COL4A2: variants seen among roughly 807,000 people sequenced by gnomAD.
COL4A2 encodes the protein collagen type IV alpha 2 chain.
A neutral mutation model predicts 200.2 loss-of-function variants in COL4A2; 99 were observed. That is an observed-to-expected ratio of 0.49 (90% CI 0.42 to 0.58). The LOEUF (loss-of-function observed/expected upper bound fraction) is 0.58, where lower values mean the gene tolerates loss of function less well. Ranked by LOEUF, COL4A2 falls within the 20% of genes least tolerant of loss-of-function variation. COL4A2 has a pLI of 0.00. For missense variants in COL4A2, 1,950 were observed against 2,314.1 expected (o/e 0.84, Z 3.23); for synonymous variants, 897 against 900.6 (o/e 1.00, Z 0.07).
At chr13:110,333,431 G>T (rs1876020140) in intron 3 of COL4A2, among the ~76,000 whole-genome samples, 1 of 152,202 alleles carries the variant, frequency 6.6e-6, no homozygotes, top group Admixed American at 6.5e-5. Context: ...GACATTCAGA[G>T]GCAGCTTTGC....
intron 3 of COL4A2, among the ~76,000 whole-genome samples, chr13:110,343,455 C>A (rs1349598147): frequency 6.6e-6 from 1 of 152,186 alleles, no homozygotes; most frequent in Non-Finnish European, 1.5e-5. Flanking sequence ...TAGGTACACG[C>A]CGTCTGAAAG....
At chr13:110,417,880 T>A (rs1380112469) in intron 4 of COL4A2, among the ~76,000 whole-genome samples, 1 of 152,148 alleles carries the variant, frequency 6.6e-6, no homozygotes, top group East Asian at 1.9e-4. Context: ...CAGGTCTCGG[T>A]GTGGATATAG....
chr13:110,469,768 T>G (rs1428196966), intron 28 of COL4A2, among the ~76,000 whole-genome samples: 1 of 152,190 alleles, frequency 6.6e-6, no homozygotes, highest in East Asian at 1.9e-4. Context: ...TAACCAGCTC[T>G]GGTGAGGAGT....
intron 45 of COL4A2, among the ~76,000 whole-genome samples, chr13:110,504,938 A>G (rs1883789774): frequency 6.6e-6 from 1 of 152,114 alleles, no homozygotes; most frequent in African/African-American, 2.4e-5. Flanking sequence ...TTGCACATAT[A>G]CAGAATGAAA....
chr13:110,381,084 A>G (rs1878468813), intron 4 of COL4A2, among the ~76,000 whole-genome samples: 2 of 126,866 alleles, frequency 1.6e-5, no homozygotes, highest in Admixed American at 8.0e-5. Context: ...TCTCACACCC[A>G]TGGGTCTCTA....
intron 3 of COL4A2, among the ~76,000 whole-genome samples, chr13:110,331,587 C>T (rs970714167): frequency 1.5e-4 from 23 of 152,142 alleles, no homozygotes; most frequent in Admixed American, 3.3e-4. Context: ...GTTCACAGAC[C>T]GCCGGCAGCT....
Position 110,357,463 on chromosome 13 carries a change from T to G in COL4A2, c.100-9T>G. 6.3e-7 allele frequency: 1 copy of G among 1,582,184 alleles called. No individual in the cohort carries two copies. Among genetic ancestry groups the G allele is most frequent in the Non-Finnish European group, 8.6e-7 (1 of 1,161,386 alleles). On this transcript the variant is annotated splice_polypyrimidine_tract_variant and intron_variant, in intron 3 of 47. Coordinates refer to ENST00000360467, the MANE Select transcript of COL4A2 (RefSeq NM_001846.4). ...TAACTTTTCTTTGCCTTGTGTTTTA[T>G]TGTTGCAGGGTGTGAAGAAGTTTGA...
intron 3 of COL4A2, among the ~76,000 whole-genome samples, chr13:110,335,481 A>G (rs1267462056): frequency 2.6e-5 from 4 of 152,136 alleles, no homozygotes; most frequent in Non-Finnish European, 5.9e-5. Flanking sequence ...ACCATGTAAG[A>G]CGTGCCTTTT....
At chr13:110,465,902 A>C (rs924220489) in intron 25 of COL4A2, 101 bp from the exon 26 acceptor site, 1 of 1,393,728 alleles carries the variant, frequency 7.2e-7, no homozygotes, top group Non-Finnish European at 9.8e-7. Context: ...CCCACCAGCA[A>C]CATATACGAC....
At position 110,466,026 on chromosome 13, in the gene COL4A2, G is replaced by A; in HGVS notation, c.2002G>A (p.Ala668Thr). The change falls in exon 26 of 48, where the codon GCC becomes ACC. Residue 668 changes from alanine (A) to threonine (T), a missense_variant. Around this residue, in one of 2 missense-constraint regions of COL4A2, gnomAD observed 1,385 missense variants for 1,720.5 expected, o/e 0.80. Transcript: ENST00000360467. ...AGATTGTGACACAGATGTGAAAAGG[G>A]CCGTTGGAGGTGACAGACAGGAGGC... is the stretch of plus-strand genomic sequence containing the variant. ...QIDCDTDVKR[A>T]VGGDRQEAIQ... is the part of the protein sequence containing the mutation. 1 of 1,613,876 alleles carries A rather than the reference G, an allele frequency of 6.2e-7. No individual in the cohort carries two copies. The highest frequency in any genetic ancestry group is 8.5e-7 in the Non-Finnish European group (1 of 1,179,760).
intron 25 of COL4A2, 72 bp downstream of exon 25, chr13:110,465,678 G>A (rs1315255186): frequency 1.5e-6 from 2 of 1,337,506 alleles, no homozygotes; most frequent in African/African-American, 1.5e-5. Context: ...CAGTGTAGAC[G>A]TTTCCCAGTA....
At chr13:110,323,053 C>T (rs1192660352) in intron 3 of COL4A2, among the ~76,000 whole-genome samples, 1 of 152,216 alleles carries the variant, frequency 6.6e-6, no homozygotes, top group African/African-American at 2.4e-5. Context: ...TACAACCAAC[C>T]CAGCCTGGGC....
chr13:110,307,688 G>A lies in COL4A2; in HGVS notation c.-45+160G>A, dbSNP rs1001765264. Reference sequence around the variant, plus strand: ...CCTCGGCCAAGGAGCACCCACAGGGGCCTAACGGGAGGCTCTCCTTCTTTC... The same window carrying A: ...CCTCGGCCAAGGAGCACCCACAGGGACCTAACGGGAGGCTCTCCTTCTTTC... On this transcript the variant is annotated intron_variant, in intron 1 of 47. Transcript: ENST00000360467. The surrounding 1 kb of genome is among the most constrained non-coding windows in gnomAD (Gnocchi z 5.0). Among the ~76,000 whole-genome samples the A allele has an allele frequency of 6.6e-6, 1 of 152,086 alleles. No individual in the cohort carries two copies. The highest frequency in any genetic ancestry group is 1.5e-5 in the Non-Finnish European group (1 of 68,002).
At chr13:110,322,214 G>A (rs1885294110) in intron 3 of COL4A2, among the ~76,000 whole-genome samples, 1 of 152,204 alleles carries the variant, frequency 6.6e-6, no homozygotes, top group Non-Finnish European at 1.5e-5. Flanking sequence ...GAAGCCTGGG[G>A]CTGGCCTGCC....
intron 24 of COL4A2, among the ~76,000 whole-genome samples, chr13:110,462,846 A>G (rs1271450980): frequency 6.6e-6 from 1 of 152,194 alleles, no homozygotes; most frequent in Non-Finnish European, 1.5e-5. Flanking sequence ...GGAGGCAGCC[A>G]TGGAGGGAGA....
At chr13:110,355,336 A>T (rs1276991077) in intron 3 of COL4A2, among the ~76,000 whole-genome samples, 1 of 122,982 alleles carries the variant, frequency 8.1e-6, no homozygotes, top group East Asian at 2.4e-4. Flanking sequence ...AGAGGGCTGC[A>T]CTAGCTCACC....
chr13:110,322,876 G>T (rs1461986636), intron 3 of COL4A2, among the ~76,000 whole-genome samples: 1 of 152,264 alleles, frequency 6.6e-6, no homozygotes, highest in Non-Finnish European at 1.5e-5. Context: ...AGATAGTTAA[G>T]GTTTCTCTGC....
chr13:110,370,320 A>G, intron 4 of COL4A2, among the ~76,000 whole-genome samples: 1 of 151,876 alleles, frequency 6.6e-6, no homozygotes, highest in East Asian at 1.9e-4. Flanking sequence ...CTGGAGTGCA[A>G]TGTAGCAATC....
At chr13:110,447,829 G>C (rs1454662922) in intron 18 of COL4A2, among the ~76,000 whole-genome samples, 3 of 152,160 alleles carry the variant, frequency 2.0e-5, no homozygotes, top group African/African-American at 7.2e-5. Flanking sequence ...TTTACCTCTT[G>C]AACTCAGCAG....
Sources: gnomAD v4.1 joint callset for allele counts (sites outside exome capture counted in the v4.1 genomes callset) on GRCh38, gnomAD v4.1.1 for gene constraint, gnomAD v4.1.1 regional missense constraint, Gnocchi (gnomAD v3.1) non-coding constraint, MANE v1.5 for transcripts, NCBI Gene and HGNC (gene_info 2026-07-23, HGNC 2026-07-21) for gene names.